The following TTC4 variants were observed in gnomAD, a reference collection of about 807,000 sequenced individuals.
TTC4 encodes the protein tetratricopeptide repeat domain 4.
In TTC4, 36 loss-of-function variants were observed where a neutral mutation model predicts 51.9. That is an observed-to-expected ratio of 0.69 (90% CI 0.53 to 0.92). TTC4 has a LOEUF of 0.92. Ranked by LOEUF, TTC4 falls within the 40% of genes least tolerant of loss-of-function variation. The pLI is 0.00. For missense variants in TTC4, 399 were observed against 454.6 expected (o/e 0.88, Z 1.11); for synonymous variants, 144 against 164.2 (o/e 0.88, Z 0.94).
intron 4 of TTC4, 73 bp downstream of exon 4, chr1:54,721,313 C>T (rs1570036327): frequency 6.8e-7 from 1 of 1,472,722 alleles, no homozygotes; most frequent in East Asian, 2.3e-5. Context: ...ATAAAGTCAT[C>T]TTATTTTTGC....
chr1:54,739,880 A>T (rs368075077), intron 9 of TTC4, among the ~76,000 whole-genome samples: 9 of 152,210 alleles, frequency 5.9e-5, no homozygotes, highest in Admixed American at 5.2e-4. Flanking sequence ...AAAATTAAAA[A>T]GATTTTAAAA....
intron 5 of TTC4, among the ~76,000 whole-genome samples, chr1:54,724,010 A>G (rs1393304027): frequency 6.6e-6 from 1 of 152,198 alleles, no homozygotes; most frequent in African/African-American, 2.4e-5. Flanking sequence ...TGAAAGTGGT[A>G]TATACAGGAA....
In TTC4 at chr1:54,728,415, T is replaced by C; in HGVS notation, c.664T>C (p.Leu222=). ...GAAGGAGAGGAATCAGAATGAGGCT[T>C]TACTCCAGGCCATCAAGGTGAGTTC... ...EKKERNQNEA[L]LQAIKARNIR... The change falls in exon 6 of 10, where the codon TTA becomes CTA. Residue 222 remains leucine (L), a synonymous_variant. Coordinates refer to ENST00000371281, the MANE Select transcript of TTC4 (RefSeq NM_004623.5). The C allele has an allele frequency of 6.2e-7, 1 of 1,612,808 alleles. No homozygotes were observed. The highest frequency in any genetic ancestry group is 8.5e-7 in the Non-Finnish European group (1 of 1,179,178).
In TTC4 at chr1:54,737,593, G is replaced by A. The variant is rs1645962207; in HGVS notation, c.990G>A (p.Glu330=). The A allele has an allele frequency of 4.3e-5, 70 of 1,613,652 alleles. No individual in the cohort carries two copies. Among genetic ancestry groups the A allele is most frequent in the Non-Finnish European group, 5.8e-5 (68 of 1,179,996 alleles). Residue 330 remains glutamate (E), a synonymous_variant, in exon 9 of 10, where the codon GAG becomes GAA. Coordinates refer to ENST00000371281, the MANE Select transcript of TTC4 (RefSeq NM_004623.5). ...TGTTAATCTTGCAGGTCTACTTTGA[G>A]GATGAGGACAGGGCAGAACTATACC... ...YCPDNLEVYF[E]DEDRAELYRV...
rs1440015617 is a variant in TTC4 at position 54,722,702 on chromosome 1, A to T, written c.497A>T (p.His166Leu). 6.2e-7 allele frequency: 1 copy of T among 1,613,816 alleles called. No homozygotes were observed. The highest frequency in any genetic ancestry group is 1.7e-5 in the Admixed American group (1 of 59,996). Residue 166 changes from histidine (H) to leucine (L), a missense_variant, in exon 5 of 10, where the codon CAC becomes CTC. His to Leu is a moderately conservative substitution (Grantham distance 99). This residue lies in a region of TTC4 where 316 missense variants were observed against 349.6 expected (regional missense o/e 0.90). Coordinates refer to ENST00000371281, the MANE Select transcript of TTC4 (RefSeq NM_004623.5). ...RGALCHLELKHFAEAVNWCDE... is the reference protein window; with the variant it reads ...RGALCHLELKLFAEAVNWCDE... ...GCCTTATGCCATCTGGAACTGAAAC[A>T]CTTTGCCGAGGCCGTGAACTGGTGT...
intron 7 of TTC4, among the ~76,000 whole-genome samples, chr1:54,732,669 A>G (rs1008879179): frequency 6.6e-6 from 1 of 151,910 alleles, no homozygotes; most frequent in Non-Finnish European, 1.5e-5. Context: ...TATGTTGCCC[A>G]GGCTTGTCTT....
intron 2 of TTC4, 141 bp from the exon 3 acceptor site, chr1:54,717,351 A>G (rs1420519176): frequency 3.0e-6 from 2 of 664,978 alleles, no homozygotes; most frequent in Non-Finnish European, 4.4e-6. Flanking sequence ...ACCCACTTTT[A>G]TCATAACATC....
rs766910477 is a variant in TTC4, at chr1:54,716,590, C to G, written c.112-10C>G. ...GCTTATTCATGTAGTTCATTCTTAA[C>G]CATTTACAGGAATTTGAAAAGGTCC... On this transcript the variant is annotated splice_polypyrimidine_tract_variant and intron_variant, in intron 1 of 9. Coordinates refer to ENST00000371281, the MANE Select transcript of TTC4 (RefSeq NM_004623.5). The G allele has an allele frequency of 2.0e-5, 32 of 1,595,296 alleles. No individual in the cohort carries two copies. The Admixed American group carries it at 5.4e-4, about 27-fold the overall frequency.
chr1:54,720,144 C>A (rs1341839995), intron 3 of TTC4, among the ~76,000 whole-genome samples: 1 of 152,116 alleles, frequency 6.6e-6, no homozygotes, highest in Non-Finnish European at 1.5e-5. Flanking sequence ...TTAAGCAATC[C>A]TCTCACCTCG....
In TTC4 at chr1:54,731,575, C is replaced by A. The variant is rs780178526; in HGVS notation, c.771C>A (p.Ser257Arg). Residue 257 changes from serine to arginine, a missense_variant, in exon 7 of 10, where the codon AGC becomes AGA. Coordinates refer to ENST00000371281, the MANE Select transcript of TTC4 (RefSeq NM_004623.5). ...GLGELFLDGL[S>R]TENPHGARLS... is the part of the protein sequence containing the mutation. ...GTGAGCTTTTCCTGGATGGACTCAG[C>A]ACTGAGAACCCCCATGGAGCCAGGC... The A allele has an allele frequency of 6.2e-7, 1 of 1,614,086 alleles. No individual in the cohort carries two copies. The highest frequency in any genetic ancestry group is 8.5e-7 in the Non-Finnish European group (1 of 1,180,006).
At chr1:54,722,057 A>T (rs941150734) in intron 4 of TTC4, among the ~76,000 whole-genome samples, 1 of 152,172 alleles carries the variant, frequency 6.6e-6, no homozygotes, top group South Asian at 2.1e-4. Flanking sequence ...AGCCCTTACA[A>T]TGCTTATATT....
At chr1:54,727,617 C>T (rs1361380006) in intron 5 of TTC4, among the ~76,000 whole-genome samples, 1 of 144,266 alleles carries the variant, frequency 6.9e-6, no homozygotes, top group Non-Finnish European at 1.5e-5. Flanking sequence ...TTTGGGAGGC[C>T]AGGGCAGGAG....
intron 7 of TTC4, among the ~76,000 whole-genome samples, 193 bp from the exon 8 acceptor site, chr1:54,733,436 T>A (rs965148697): frequency 6.7e-6 from 1 of 150,318 alleles, no homozygotes; most frequent in African/African-American, 2.4e-5. Context: ...AAAAATAAAA[T>A]AAAATAAAAT....
At chr1:54,723,711 A>G (rs560270639) in intron 5 of TTC4, among the ~76,000 whole-genome samples, 2 of 152,338 alleles carry the variant, frequency 1.3e-5, no homozygotes, top group East Asian at 1.9e-4. Context: ...GGGCTATTAT[A>G]TAGTTTAGAT....
At chr1:54,721,659 CAG>C (rs1645744809) in intron 4 of TTC4, among the ~76,000 whole-genome samples, 1 of 152,162 alleles carries the variant, frequency 6.6e-6, no homozygotes, top group African/African-American at 2.4e-5. Flanking sequence ...TATGTAATAA[CAG>C]TGCTTTTATT....
At chr1:54,733,447 A>T (rs975187457) in intron 7 of TTC4, among the ~76,000 whole-genome samples, 182 bp from the exon 8 acceptor site, 2 of 151,576 alleles carry the variant, frequency 1.3e-5, no homozygotes, top group Non-Finnish European at 2.9e-5. Context: ...AAAATAAAAT[A>T]AAATTATGTC....
At chr1:54,721,879 G>C (rs568708057) in intron 4 of TTC4, among the ~76,000 whole-genome samples, 1 of 152,214 alleles carries the variant, frequency 6.6e-6, no homozygotes, top group Non-Finnish European at 1.5e-5. Flanking sequence ...ACAAAGATTG[G>C]CTGATAAATT....
At chr1:54,728,143 AAATT>A (rs1400159719) in intron 5 of TTC4, among the ~76,000 whole-genome samples, 199 bp from the exon 6 acceptor site, 1 of 152,208 alleles carries the variant, frequency 6.6e-6, no homozygotes, top group Non-Finnish European at 1.5e-5. Context: ...TACAGGAAGT[AAATT>A]TAAACTGCTG....
chr1:54,733,813 A>G (rs1332771439), intron 8 of TTC4, 103 bp downstream of exon 8: 2 of 703,296 alleles, frequency 2.8e-6, no homozygotes, highest in Non-Finnish European at 4.4e-6. Flanking sequence ...TTTGAAAATT[A>G]TAGTAAAATA....
Sources: gnomAD v4.1 joint callset for allele counts (sites outside exome capture counted in the v4.1 genomes callset) on GRCh38, gnomAD v4.1.1 for gene constraint, gnomAD v4.1.1 regional missense constraint, MANE v1.5 for transcripts, NCBI Gene and HGNC (gene_info 2026-07-23, HGNC 2026-07-21) for gene names.